SH2B1: variants seen among roughly 807,000 people sequenced by gnomAD.
SH2B1 encodes the protein SH2B adapter protein 1.
SH2B1 carries 15 observed loss-of-function variants against 62.6 expected under a neutral mutation model. The observed-to-expected ratio is 0.24, with a 90% CI of 0.16 to 0.37. SH2B1 has a LOEUF of 0.37. Among genes scored for constraint, SH2B1 ranks in the 10% least tolerant of loss-of-function variants. The pLI, the probability that SH2B1 is intolerant of heterozygous loss-of-function variation, is 1.00. For missense variants in SH2B1, 925 were observed against 1,015.6 expected (o/e 0.91, Z 1.21); for synonymous variants, 443 against 438.0 (o/e 1.01, Z -0.14).
upstream of SH2B1, among the ~76,000 whole-genome samples, chr16:28,860,120 T>C (rs1962409679): frequency 6.6e-6 from 1 of 152,114 alleles, no homozygotes; most frequent in East Asian, 1.9e-4. Context: ...AATCAGATCT[T>C]CCTCAAGATA....
rs549124492 is a variant in SH2B1, at chr16:28,848,309, G to C, written c.-301+1482G>C. On this transcript the variant is annotated intron_variant, in intron 1 of 10. Transcript: ENST00000322610. ...AAAAATTAGCTGGGCGTGGCAGTGT[G>C]CACCTGTAGTACCAGCTACTCAGGA... Among the ~76,000 whole-genome samples the C allele has an allele frequency of 6.3e-4, 96 of 152,180 alleles. 2 individuals carry two copies. Among genetic ancestry groups the C allele is most frequent in the Non-Finnish European group, 2.6e-4 (18 of 68,006 alleles).
In SH2B1 at chr16:28,867,375, C is replaced by T; in HGVS notation, c.984C>T (p.Asp328=). 1.4e-5 allele frequency: 23 copies of T among 1,614,204 alleles called. No individual in the cohort carries two copies. Among genetic ancestry groups the T allele is most frequent in the Middle Eastern group, 1.6e-4 (1 of 6,062 alleles). The change falls in exon 2 of 8, where the codon GAC becomes GAT. Residue 328 remains aspartate, a synonymous_variant. Transcript: ENST00000684370. ...GCATCCCCTGCTCTTCTATCACAGA[C>T]GTCCGGACAACCACAGCCCTGGAGA... ...RLSIPCSSIT[D]VRTTTALEMP... is the part of the protein sequence containing the mutation.
In SH2B1 at chr16:28,866,951, A is replaced by G. The variant is rs1189732136; in HGVS notation, c.857A>G (p.Gln286Arg). The change falls in exon 1 of 8, where the codon CAG (glutamine) becomes CGG (arginine). Residue 286 changes from glutamine to arginine, a missense_variant. This residue lies in a region of SH2B1 where 683 missense variants were observed against 704.0 expected (regional missense o/e 0.97). Transcript: ENST00000684370. This position sits in a 1 kb window ranked among gnomAD's most constrained non-coding sequence, Gnocchi z 6.3. ...CCTTCAGGGGGAGGAGGGCAGCCTC[A>G]GTGGCAGAAGTGTCGCCTGCTGCTT... The part of the protein sequence containing the change: ...GPPSGGGGQP[Q>R]WQKCRLLLRS... The G allele has an allele frequency of 1.2e-6, 2 of 1,608,660 alleles. No homozygotes were observed. The highest frequency in any genetic ancestry group is 1.7e-6 in the Non-Finnish European group (2 of 1,179,970).
In SH2B1 at chr16:28,872,555, G is replaced by A. The variant is rs751023173; in HGVS notation, c.1747G>A (p.Glu583Lys). 34 of 1,612,206 alleles carry A rather than the reference G, an allele frequency of 2.1e-5. No homozygotes were observed. Among genetic ancestry groups the A allele is most frequent in the Non-Finnish European group, 2.7e-5 (32 of 1,178,340 alleles). The change falls in exon 7 of 8, where the codon GAG (glutamate) becomes AAG (lysine). Residue 583 changes from glutamate to lysine, a missense_variant. This residue lies in a region of SH2B1 where 57 missense variants were observed against 122.1 expected (regional missense o/e 0.47). Coordinates refer to ENST00000684370, the MANE Select transcript of SH2B1 (RefSeq NM_001387430.1). This position sits in a 1 kb window ranked among gnomAD's most constrained non-coding sequence, Gnocchi z 5.3. The stretch of plus-strand genomic sequence containing the variant: ...TCAGCACCTGCGTTTGTCGCTGAAC[G>A]AGGAGGGTCAGTGCCGGGTCCAGCA... ...KAKHLRLSLN[E>K]EGQCRVQHLW...
chr16:28,856,938 G>A (rs1213062883), intron 1 of SH2B1, among the ~76,000 whole-genome samples: 2 of 152,094 alleles, frequency 1.3e-5, no homozygotes, highest in Non-Finnish European at 2.9e-5. Flanking sequence ...TGTGATGGGA[G>A]ACATCACAAC....
At chr16:28,868,671 T>A (rs955223104) in intron 2 of SH2B1, among the ~76,000 whole-genome samples, 4 of 152,142 alleles carry the variant, frequency 2.6e-5, no homozygotes, top group Non-Finnish European at 4.4e-5. Context: ...TTGGTCATGT[T>A]GGTCTCGAAC....
rs774029708 is a variant in SH2B1, at chr16:28,872,785, G to A, written c.1897+80G>A. ...TGTGTGTGCCAGAAAGATGGGGCGG[G>A]GAGGGGGGACTATCACAAGGAGAAG... On this transcript the variant is annotated intron_variant, in intron 7 of 7. Transcript: ENST00000684370. The surrounding 1 kb of genome is among the most constrained non-coding windows in gnomAD (Gnocchi z 5.3). 8.4e-6 allele frequency: 13 copies of A among 1,547,874 alleles called. No homozygotes were observed. The South Asian group carries it at 1.5e-4, about 18-fold the overall frequency.
upstream of SH2B1, chr16:28,863,425 G>A (rs1334945837): frequency 1.6e-5 from 7 of 438,060 alleles, no homozygotes; most frequent in African/African-American, 4.1e-5. Flanking sequence ...TGGTGGCGTT[G>A]TCCGCGTGCC....
chr16:28,867,045 T>G lies in SH2B1; in HGVS notation c.939+12T>G. ...TTGTACCACCCAAGGTGAGGCCCCT[T>G]GGAGGGTGGGTGACTGAGAGCAAGT... On this transcript the variant is annotated intron_variant, in intron 1 of 7. Transcript: ENST00000684370. 3.1e-6 allele frequency: 5 copies of G among 1,598,560 alleles called. No homozygotes were observed. In the Middle Eastern group the frequency reaches 5.0e-4, roughly 158 times the overall value.
In SH2B1 at chr16:28,873,237, C is replaced by T. The variant is rs779268164; in HGVS notation, c.1898-210C>T. On this transcript the variant is annotated intron_variant, in intron 7 of 7. Coordinates refer to ENST00000684370, the MANE Select transcript of SH2B1 (RefSeq NM_001387430.1). The surrounding 1 kb of genome is among the most constrained non-coding windows in gnomAD (Gnocchi z 4.2). ...ATGGATGCCACCCCGATGCCTCCTG[C>T]ACCCTCATGCCCTTCGGAGCGAGTG... is the stretch of plus-strand genomic sequence containing the variant. The T allele has an allele frequency of 1.9e-6, 3 of 1,606,866 alleles. No individual in the cohort carries two copies. Among genetic ancestry groups the T allele is most frequent in the East Asian group, 2.2e-5 (1 of 44,748 alleles).
At chr16:28,861,052 A>T (rs749501312), upstream of SH2B1, among the ~76,000 whole-genome samples, 5 of 152,004 alleles carry the variant, frequency 3.3e-5, no homozygotes, top group African/African-American at 1.2e-4. Context: ...TCCTGACCTC[A>T]AGTGATCTGC....
intron 4 of SH2B1, among the ~76,000 whole-genome samples, chr16:28,870,672 TA>T (rs1020977362): frequency 6.6e-6 from 1 of 152,100 alleles, no homozygotes; most frequent in African/African-American, 2.4e-5. Context: ...TTTTTATTTT[TA>T]AAAAATTATT....
At chr16:28,868,760 C>G (rs944126807) in intron 2 of SH2B1, among the ~76,000 whole-genome samples, 1 of 151,492 alleles carries the variant, frequency 6.6e-6, no homozygotes, top group African/African-American at 2.4e-5. Context: ...CCGGCCTCGC[C>G]TTATTTTATT....
chr16:28,868,965 C>T (rs1296000998), intron 2 of SH2B1, 41 bp from the exon 3 acceptor site: 53 of 1,491,998 alleles, frequency 3.6e-5, no homozygotes, highest in Non-Finnish European at 4.9e-5. Context: ...AAGCCTCCTC[C>T]CTGCCCCTGC....
chr16:28,852,816 TTACATATATATTTATATATATA>T lies in SH2B1; in HGVS notation c.-301+6001_-301+6022del, dbSNP rs1567459244. Among the ~76,000 whole-genome samples, 2 of 53,400 alleles carry T rather than the reference TTACATATATATTTATATATATA, an allele frequency of 3.7e-5. 1 individual carries two copies. The highest frequency in any genetic ancestry group is 1.9e-4 in the African/African-American group (2 of 10,604). The allele number at this position is 53,400 out of a possible 152,430, so 35.0% of individuals were successfully genotyped here. On this transcript the variant is annotated intron_variant, in intron 1 of 10. Transcript: ENST00000322610. ...TATTTACATATATATTTACATATAT[TTACATATATATTTATATATATA>T]TACATATATATATTTTTATATATAT...
In SH2B1 at chr16:28,866,898, G is replaced by A; in HGVS notation, c.804G>A (p.Val268=). Residue 268 remains valine (V), a synonymous_variant, in exon 1 of 8, where the codon GTG becomes GTA. Coordinates refer to ENST00000684370, the MANE Select transcript of SH2B1 (RefSeq NM_001387430.1). The surrounding 1 kb of genome is among the most constrained non-coding windows in gnomAD (Gnocchi z 6.3). ...AGGCAGCCCCTGACCCAGCCGGAGT[G>A]GGCCGGGGAGGAGGGGTGGCTGGGC... is the stretch of plus-strand genomic sequence containing the variant. ...AEEAAPDPAG[V]GRGGGVAGPP... is the part of the protein sequence containing the mutation. 1 of 1,612,278 alleles carries A rather than the reference G, an allele frequency of 6.2e-7. No individual in the cohort carries two copies. The highest frequency in any genetic ancestry group is 8.5e-7 in the Non-Finnish European group (1 of 1,179,658).
upstream of SH2B1, among the ~76,000 whole-genome samples, chr16:28,861,377 C>G (rs1379409073): frequency 6.7e-6 from 1 of 149,920 alleles, no homozygotes; most frequent in Non-Finnish European, 1.5e-5. Flanking sequence ...ATGATGCGCC[C>G]GCCTCAGCCT....
chr16:28,865,278 A>G lies in SH2B1; in HGVS notation c.-817A>G, dbSNP rs1567465841. On this transcript the variant is annotated 5_prime_UTR_variant, in exon 1 of 8. Transcript: ENST00000684370. ...GATACCAAAGAAGTGGGCTGTAGCT[A>G]TTTCACATCTCCTTCACGCAGTGCG... is the stretch of plus-strand genomic sequence containing the variant. The G allele has an allele frequency of 3.0e-6, 3 of 985,652 alleles. No individual in the cohort carries two copies. The highest frequency in any genetic ancestry group is 3.6e-6 in the Non-Finnish European group (3 of 829,980). 61.1% of individuals were successfully genotyped at this position (985,652 alleles called of 1,614,324 possible).
At chr16:28,861,368 T>C (rs1002635492), upstream of SH2B1, among the ~76,000 whole-genome samples, 1 of 152,026 alleles carries the variant, frequency 6.6e-6, no homozygotes, top group Non-Finnish European at 1.5e-5. Context: ...CCTGAACTCA[T>C]GATGCGCCCG....
Sources: gnomAD v4.1 joint callset for allele counts (sites outside exome capture counted in the v4.1 genomes callset) on GRCh38, gnomAD v4.1.1 for gene constraint, gnomAD v4.1.1 regional missense constraint, Gnocchi (gnomAD v3.1) non-coding constraint, MANE v1.5 for transcripts, NCBI Gene and HGNC (gene_info 2026-07-23, HGNC 2026-07-21) for gene names.